The following RHOG variants were observed in gnomAD, a reference collection of about 807,000 sequenced individuals.
The protein encoded by RHOG is ras homolog family member G.
In RHOG, 1 loss-of-function variant was observed where a neutral mutation model predicts 12.3. The observed-to-expected ratio is 0.08, with a 90% CI of 0.03 to 0.39. The LOEUF is 0.39. RHOG is among the 10% of genes least tolerant of loss of function. The pLI, the probability that RHOG is intolerant of heterozygous loss-of-function variation, is 0.99. For synonymous variants in RHOG, 129 were observed against 116.0 expected (o/e 1.11, Z -0.72); for missense variants, 114 against 266.2 (o/e 0.43, Z 3.98).
At chr11:3,833,055 C>CAA (rs545167237) in intron 1 of RHOG, among the ~76,000 whole-genome samples, 2 of 140,946 alleles carry the variant, frequency 1.4e-5, no homozygotes, top group Non-Finnish European at 1.6e-5. Context: ...CCCCATGTCT[C>CAA]AAAAAAAAAA....
At chr11:3,832,992 G>A (rs886804666) in intron 1 of RHOG, among the ~76,000 whole-genome samples, 22 of 152,028 alleles carry the variant, frequency 1.4e-4, no homozygotes, top group African/African-American at 5.3e-4. Context: ...ACTAGTCAAG[G>A]TTATCGTCCC....
chr11:3,828,751 G>A (rs543285653), intron 1 of RHOG, among the ~76,000 whole-genome samples: 32 of 151,146 alleles, frequency 2.1e-4, no homozygotes, highest in South Asian at 4.2e-4. Flanking sequence ...CTCTCGAGTA[G>A]CTGGGACTAC....
intron 1 of RHOG, among the ~76,000 whole-genome samples, chr11:3,834,941 A>T (rs902346423): frequency 6.6e-6 from 1 of 152,152 alleles, no homozygotes; most frequent in African/African-American, 2.4e-5. Context: ...TCCAATCCTG[A>T]TCCTCTACAA....
chr11:3,836,045 C>T (rs1160070790), intron 1 of RHOG, among the ~76,000 whole-genome samples: 1 of 125,042 alleles, frequency 8.0e-6, no homozygotes, highest in East Asian at 2.3e-4. Flanking sequence ...AGCCCAGTTC[C>T]TAGCCTTAAA....
chr11:3,834,542 C>T (rs1003429675), intron 1 of RHOG, among the ~76,000 whole-genome samples: 3 of 152,190 alleles, frequency 2.0e-5, no homozygotes, highest in African/African-American at 7.2e-5. Context: ...AAAAGCTATG[C>T]CTGAAATAGG....
intron 1 of RHOG, among the ~76,000 whole-genome samples, chr11:3,836,120 A>C (rs2090154196): frequency 6.6e-6 from 1 of 151,858 alleles, no homozygotes; most frequent in Non-Finnish European, 1.5e-5. Flanking sequence ...TGGGAGGCCA[A>C]GGCAGGCAGA....
At chr11:3,838,322 T>C (rs1482273788) in intron 1 of RHOG, among the ~76,000 whole-genome samples, 1 of 152,232 alleles carries the variant, frequency 6.6e-6, no homozygotes, top group African/African-American at 2.4e-5. Context: ...AAACTTCCAA[T>C]GGGGCCAGAT....
intron 1 of RHOG, among the ~76,000 whole-genome samples, chr11:3,831,025 G>T (rs985817172): frequency 1.3e-5 from 2 of 152,064 alleles, no homozygotes; most frequent in Non-Finnish European, 2.9e-5. Flanking sequence ...GGGCAGCCCT[G>T]TTTTAAACAC....
At chr11:3,828,401 T>G (rs1029309780) in intron 1 of RHOG, among the ~76,000 whole-genome samples, 195 bp from the exon 2 acceptor site, 1 of 152,126 alleles carries the variant, frequency 6.6e-6, no homozygotes, top group African/African-American at 2.4e-5. Flanking sequence ...TATAATGTGG[T>G]AGAAAGCACA....
At chr11:3,835,844 T>C (rs545573384) in intron 1 of RHOG, among the ~76,000 whole-genome samples, 19 of 152,056 alleles carry the variant, frequency 1.2e-4, no homozygotes, top group African/African-American at 4.6e-4. Flanking sequence ...ACAAGTTTGT[T>C]TGTTTGTTTG....
At chr11:3,838,135 T>C (rs2090167681) in intron 1 of RHOG, among the ~76,000 whole-genome samples, 1 of 152,246 alleles carries the variant, frequency 6.6e-6, no homozygotes, top group Non-Finnish European at 1.5e-5. Flanking sequence ...GTCTTCAGTG[T>C]GGGCCTGAGC....
intron 1 of RHOG, among the ~76,000 whole-genome samples, chr11:3,830,061 C>A (rs1431804751): frequency 6.6e-6 from 1 of 152,154 alleles, no homozygotes; most frequent in Non-Finnish European, 1.5e-5. Context: ...GCAAATCTTT[C>A]AGGCCCAACT....
At chr11:3,839,576 GAC>G (rs1015387329) in intron 1 of RHOG, among the ~76,000 whole-genome samples, 4 of 122,924 alleles carry the variant, frequency 3.3e-5, no homozygotes, top group East Asian at 2.1e-4. Flanking sequence ...TAGATACACA[GAC>G]ACGCGCGTGC....
At chr11:3,834,730 G>A (rs552065580) in intron 1 of RHOG, among the ~76,000 whole-genome samples, 2 of 152,292 alleles carry the variant, frequency 1.3e-5, no homozygotes, top group East Asian at 1.9e-4. Context: ...CAGCCTGATT[G>A]CCAGATCTCT....
intron 1 of RHOG, among the ~76,000 whole-genome samples, chr11:3,835,365 C>T (rs2090150491): frequency 6.6e-6 from 1 of 152,202 alleles, no homozygotes; most frequent in Non-Finnish European, 1.5e-5. Flanking sequence ...CACAGCAACC[C>T]CCTCTTCTGC....
chr11:3,827,946 C>T lies in RHOG; in HGVS notation c.193G>A (p.Asp65Asn). ...LWDTAGQEEY[D>N]RLRTLSYPQT... ...GGGTAGGAGAGTGTACGGAGGCGGT[C>T]ATACTCCTCCTGGCCCGCAGTGTCC... The change falls in exon 2 of 2, where the codon GAC (aspartate) becomes AAC (asparagine). Residue 65 changes from aspartate to asparagine, a missense_variant. Around this residue, in one of 2 missense-constraint regions of RHOG, gnomAD observed 53 missense variants for 164.8 expected, o/e 0.32. Transcript: ENST00000351018. The surrounding 1 kb of genome is among the most constrained non-coding windows in gnomAD (Gnocchi z 7.3). 1 of 1,614,254 alleles carries T rather than the reference C, an allele frequency of 6.2e-7. No individual in the cohort carries two copies.
chr11:3,840,029 G>A (rs966930168), intron 1 of RHOG, among the ~76,000 whole-genome samples: 1 of 152,154 alleles, frequency 6.6e-6, no homozygotes, highest in African/African-American at 2.4e-5. Context: ...AAGAAGGTGT[G>A]GAGGGAGACG....
intron 1 of RHOG, among the ~76,000 whole-genome samples, chr11:3,831,293 T>G (rs915986018): frequency 2.6e-5 from 4 of 152,038 alleles, no homozygotes; most frequent in Non-Finnish European, 1.5e-5. Flanking sequence ...TGGTCCCACC[T>G]CCCTCCCAGG....
chr11:3,827,983 G>A lies in RHOG; in HGVS notation c.156C>T (p.Asn52=). ...GGCCCGCAGTGTCCCACAGGTTCAG[G>A]TTCACTGTGCGCCCGTCAACTGCGC... ...AQSAVDGRTV[N]LNLWDTAGQE... The change falls in exon 2 of 2, where the codon AAC becomes AAT. Residue 52 remains asparagine, a synonymous_variant. Transcript: ENST00000351018. This position sits in a 1 kb window ranked among gnomAD's most constrained non-coding sequence, Gnocchi z 7.3. 2 of 1,614,278 alleles carry A rather than the reference G, an allele frequency of 1.2e-6. No homozygotes were observed. The highest frequency in any genetic ancestry group is 1.7e-6 in the Non-Finnish European group (2 of 1,180,046).
Sources: gnomAD v4.1 joint callset for allele counts (sites outside exome capture counted in the v4.1 genomes callset) on GRCh38, gnomAD v4.1.1 for gene constraint, gnomAD v4.1.1 regional missense constraint, Gnocchi (gnomAD v3.1) non-coding constraint, MANE v1.5 for transcripts, NCBI Gene and HGNC (gene_info 2026-07-23, HGNC 2026-07-21) for gene names.